Variants in TOP2B observed in about 807,000 individuals in gnomAD.
The protein encoded by TOP2B is DNA topoisomerase II beta.
TOP2B carries 51 observed loss-of-function variants against 193.5 expected under a neutral mutation model. The ratio of observed to expected loss-of-function variants is 0.26; its 90% CI spans 0.21 to 0.33. The LOEUF is 0.33. TOP2B is among the 10% of genes least tolerant of loss of function. The pLI is 1.00. For synonymous variants in TOP2B, 634 were observed against 635.7 expected (o/e 1.00, Z 0.04); for missense variants, 1,378 against 1,909.3 (o/e 0.72, Z 5.19).
intron 35 of TOP2B, among the ~76,000 whole-genome samples, chr3:25,599,155 G>A (rs949821752): frequency 1.3e-5 from 2 of 152,076 alleles, no homozygotes; most frequent in African/African-American, 4.8e-5. Context: ...TAATATTTTA[G>A]TCTGAAAGAG....
At chr3:25,598,613 C>T (rs1278257450) in intron 35 of TOP2B, 136 bp from the exon 36 acceptor site, 1 of 636,210 alleles carries the variant, frequency 1.6e-6, no homozygotes, top group Non-Finnish European at 2.4e-6. Flanking sequence ...AATCATAATG[C>T]TAACCTAAGT....
Position 25,624,786 on chromosome 3 carries a change from G to A in TOP2B, c.2242C>T (p.Arg748Trp), listed in dbSNP as rs1246519283. Residue 748 changes from arginine to tryptophan, a missense_variant, in exon 19 of 36, where the codon CGG (arginine) becomes TGG (tryptophan). Around this residue, in one of 9 missense-constraint regions of TOP2B, gnomAD observed 379 missense variants for 615.1 expected, o/e 0.62. Transcript: ENST00000264331. ...SLVDGFKPGQ[R>W]KVLFTCFKRN... The stretch of plus-strand genomic sequence containing the variant: ...TTGAAACAGGTAAATAAAACTTTCC[G>A]CTGGCCAGGTTTAAAGCCTATTTTT... 1 of 1,612,876 alleles carries A rather than the reference G, an allele frequency of 6.2e-7. No individual in the cohort carries two copies. Among genetic ancestry groups the A allele is most frequent in the East Asian group, 2.2e-5 (1 of 44,818 alleles).
intron 3 of TOP2B, among the ~76,000 whole-genome samples, chr3:25,643,485 T>C (rs1176821497): frequency 6.6e-6 from 1 of 152,138 alleles, no homozygotes; most frequent in Non-Finnish European, 1.5e-5. Flanking sequence ...ATTGATTTCA[T>C]AGATGAAGAA....
intron 4 of TOP2B, among the ~76,000 whole-genome samples, chr3:25,639,404 T>A (rs1703196289): frequency 6.6e-6 from 1 of 152,124 alleles, no homozygotes. Flanking sequence ...GCCTCCTGGG[T>A]TCCAGCAATT....
intron 1 of TOP2B, 81 bp downstream of exon 1, chr3:25,664,148 C>A: frequency 6.6e-7 from 1 of 1,522,144 alleles, no homozygotes; most frequent in South Asian, 1.2e-5. Flanking sequence ...CTCCCTTTCC[C>A]CTCCCCCGCC....
At chr3:25,615,132 T>C (rs1307275696) in intron 27 of TOP2B, 73 bp downstream of exon 27, 1 of 1,341,724 alleles carries the variant, frequency 7.5e-7, no homozygotes, top group Non-Finnish European at 1.0e-6. Context: ...AACTTTAAGA[T>C]CACTTAAAAG....
chr3:25,653,662 G>A (rs543865528), intron 1 of TOP2B, among the ~76,000 whole-genome samples: 86 of 152,130 alleles, frequency 5.7e-4, no homozygotes, highest in African/African-American at 2.0e-3. Flanking sequence ...ACTCCTGGCC[G>A]CAAGCGATTC....
intron 1 of TOP2B, among the ~76,000 whole-genome samples, chr3:25,646,040 G>A (rs1319747176): frequency 6.6e-6 from 1 of 151,464 alleles, no homozygotes; most frequent in African/African-American, 2.4e-5. Flanking sequence ...CAAAGTGCTA[G>A]CATTACAGGT....
chr3:25,599,002 A>G (rs1702012662), intron 35 of TOP2B, among the ~76,000 whole-genome samples: 1 of 152,158 alleles, frequency 6.6e-6, no homozygotes, highest in Non-Finnish European at 1.5e-5. Flanking sequence ...TCATTTACCT[A>G]AAAGAAATAG....
rs1413394065 is a variant in TOP2B at position 25,609,325 on chromosome 3, T to G, written c.3951A>C (p.Thr1317=). The part of the protein sequence containing the change: ...KKEPGTRVRK[T]PTSSGKPSAK... ...CACTAGGTTTACCAGATGATGTAGG[T>G]GTTTTTCTCACTCTGGTACCTAAAG... is the stretch of plus-strand genomic sequence containing the variant. Residue 1317 remains threonine (T), a synonymous_variant, in exon 30 of 36, where the codon ACA becomes ACC. Coordinates refer to ENST00000264331, the MANE Select transcript of TOP2B (RefSeq NM_001330700.2). The G allele has an allele frequency of 6.3e-7, 1 of 1,595,058 alleles. No individual in the cohort carries two copies. Among genetic ancestry groups the G allele is most frequent in the Non-Finnish European group, 8.6e-7 (1 of 1,169,100 alleles).
intron 26 of TOP2B, 54 bp downstream of exon 26, chr3:25,615,376 AG>A: frequency 6.5e-7 from 1 of 1,537,618 alleles, no homozygotes; most frequent in East Asian, 2.3e-5. Flanking sequence ...AAAAAGAAAA[AG>A]ATACAGATAA....
intron 8 of TOP2B, 87 bp from the exon 9 acceptor site, chr3:25,632,881 A>T: frequency 8.7e-7 from 1 of 1,147,570 alleles, no homozygotes; most frequent in East Asian, 2.4e-5. Context: ...CCTATTTTCT[A>T]AAAGAGTAAT....
intron 1 of TOP2B, among the ~76,000 whole-genome samples, chr3:25,653,404 T>C (rs1270182543): frequency 6.6e-6 from 1 of 151,928 alleles, no homozygotes; most frequent in African/African-American, 2.4e-5. Flanking sequence ...AATAGCACTT[T>C]TTTTTTTTAA....
intron 18 of TOP2B, among the ~76,000 whole-genome samples, chr3:25,625,633 T>A (rs1702781870): frequency 6.6e-6 from 1 of 152,178 alleles, no homozygotes; most frequent in African/African-American, 2.4e-5. Context: ...CTATCGTTAG[T>A]GTTAGTGTAT....
Position 25,598,364 on chromosome 3 carries a change from T to C in TOP2B, c.4824A>G (p.Lys1608=). Residue 1608 remains lysine (K), a synonymous_variant, in exon 36 of 36, where the codon AAA becomes AAG. Transcript: ENST00000264331. ...CTTCTTCATCAGACTCTGCAAAATA[T>C]TTTACTTCTTTCCTAGCCCGACCGG... The part of the protein sequence containing the change: ...PRTGRARKEV[K]YFAESDEEED... 1.2e-6 allele frequency: 2 copies of C among 1,613,350 alleles called. No individual in the cohort carries two copies. The highest frequency in any genetic ancestry group is 1.7e-6 in the Non-Finnish European group (2 of 1,179,528).
At chr3:25,663,383 T>C (rs1457561541) in intron 1 of TOP2B, among the ~76,000 whole-genome samples, 1 of 152,210 alleles carries the variant, frequency 6.6e-6, no homozygotes, top group African/African-American at 2.4e-5. Context: ...GTTTTCTGTA[T>C]AGGAAATGAC....
intron 28 of TOP2B, among the ~76,000 whole-genome samples, chr3:25,612,281 T>C (rs1246420068): frequency 6.6e-6 from 1 of 151,784 alleles, no homozygotes; most frequent in Non-Finnish European, 1.5e-5. Context: ...CTGAGTGGAG[T>C]GTTTCTATTT....
chr3:25,636,665 C>T (rs1400026578), intron 6 of TOP2B, among the ~76,000 whole-genome samples: 1 of 151,980 alleles, frequency 6.6e-6, no homozygotes, highest in Non-Finnish European at 1.5e-5. Flanking sequence ...AAACTGCCAA[C>T]AAAATCTCTC....
chr3:25,609,031 A>G (rs1298475953), intron 30 of TOP2B, among the ~76,000 whole-genome samples, 152 bp downstream of exon 30: 4 of 152,204 alleles, frequency 2.6e-5, no homozygotes, highest in Admixed American at 6.5e-5. Context: ...ACTTTGCTAG[A>G]AAGACTGTTC....
Sources: allele counts gnomAD v4.1 joint callset (sites outside exome capture counted in the v4.1 genomes callset), GRCh38; gene constraint gnomAD v4.1.1; regional missense constraint gnomAD v4.1.1; transcripts MANE v1.5; gene names NCBI Gene and HGNC (gene_info 2026-07-23, HGNC 2026-07-21).